Variants in TBX20 observed in about 807,000 individuals in gnomAD.
TBX20 encodes the protein T-box transcription factor 20.
In TBX20, 8 loss-of-function variants were observed where a neutral mutation model predicts 42.9. That is an observed-to-expected ratio of 0.19 (90% confidence interval 0.11 to 0.34). The LOEUF (loss-of-function observed/expected upper bound fraction) is 0.34, where lower values mean the gene tolerates loss of function less well. TBX20 is among the 10% of genes least tolerant of loss of function. The probability of loss-of-function intolerance (pLI) is 1.00; values close to 1 mark genes in which losing one functional copy is unlikely to be tolerated. For missense variants in TBX20, 411 were observed against 566.0 expected, an observed-to-expected ratio of 0.73 and a Z score of 2.78; for synonymous variants, 198 against 222.8, an observed-to-expected ratio of 0.89 and a Z score of 0.99.
At chr7:35,239,913 A>G (rs1219132353) in intron 5 of TBX20, among the ~76,000 whole-genome samples, 2 of 151,802 alleles carry the variant, frequency 1.3e-5, no homozygotes, top group Non-Finnish European at 2.9e-5. Flanking sequence ...CACCAGGCCC[A>G]GCTAATTTTT....
chr7:35,233,883 A>G (rs559055439), intron 5 of TBX20, among the ~76,000 whole-genome samples: 29 of 152,358 alleles, frequency 1.9e-4, no homozygotes, highest in Admixed American at 4.6e-4. Flanking sequence ...ATGTCGGATG[A>G]CATGCACAGC....
At chr7:35,242,775 A>AG (rs1790108363) in intron 4 of TBX20, among the ~76,000 whole-genome samples, 7 of 152,294 alleles carry the variant, frequency 4.6e-5, no homozygotes, top group African/African-American at 1.7e-4. Context: ...AAGGAACACT[A>AG]ATAGAAACGT....
chr7:35,206,585 A>G (rs1007659553), intron 6 of TBX20, among the ~76,000 whole-genome samples: 9 of 152,190 alleles, frequency 5.9e-5, no homozygotes, highest in African/African-American at 2.2e-4. Flanking sequence ...TAGTTTGATC[A>G]GTTTGGGCAT....
In TBX20 at chr7:35,231,425, C is replaced by T. The variant is rs113221975; in HGVS notation, c.890+79G>A. The T allele has an allele frequency of 6.9e-3, 6,444 of 928,074 alleles. 50 individuals are homozygous for T. The highest frequency in any genetic ancestry group is 0.011 in the Admixed American group (617 of 55,916). 57.5% of individuals were successfully genotyped at this position (928,074 alleles called of 1,614,324 possible). On this transcript the variant is annotated intron_variant, in intron 6 of 7. Coordinates refer to ENST00000408931, the MANE Select transcript of TBX20 (RefSeq NM_001077653.2). ...TAGTAAGGTTATGATTCTCTGGTGT[C>T]GAAAGGAGTGTGTTGTTACAAACTC...
intron 1 of TBX20, among the ~76,000 whole-genome samples, chr7:35,252,503 C>A (rs1790324393): frequency 6.6e-6 from 1 of 151,686 alleles, no homozygotes; most frequent in Non-Finnish European, 1.5e-5. Flanking sequence ...TTTTTGATCT[C>A]TAACACTTCC....
intron 3 of TBX20, among the ~76,000 whole-genome samples, chr7:35,247,334 A>G (rs1401849551): frequency 6.6e-6 from 1 of 152,004 alleles, no homozygotes; most frequent in Non-Finnish European, 1.5e-5. Context: ...ATTAATTTTA[A>G]TATCTATTAT....
At chr7:35,210,384 G>A (rs1789476666) in intron 6 of TBX20, among the ~76,000 whole-genome samples, 1 of 151,914 alleles carries the variant, frequency 6.6e-6, no homozygotes, top group African/African-American at 2.4e-5. Flanking sequence ...CAAAGTGCTG[G>A]GATTACAGGT....
At chr7:35,224,282 G>A (rs1789732802) in intron 6 of TBX20, among the ~76,000 whole-genome samples, 2 of 152,106 alleles carry the variant, frequency 1.3e-5, no homozygotes, top group Non-Finnish European at 1.5e-5. Flanking sequence ...GACAAGAGAA[G>A]GTACAAAACC....
intron 6 of TBX20, among the ~76,000 whole-genome samples, chr7:35,220,365 G>A (rs938773476): frequency 4.6e-5 from 7 of 152,194 alleles, no homozygotes; most frequent in African/African-American, 1.7e-4. Context: ...ACACTGAACA[G>A]TGTGGGCCAT....
At chr7:35,250,636 G>A (rs714957) in intron 1 of TBX20, among the ~76,000 whole-genome samples, 56,012 of 152,062 alleles carry the variant, frequency 0.37, 10,607 homozygotes, top group Admixed American at 0.46. Context: ...GAGACAAAGG[G>A]AGTGAAGAGA....
chr7:35,240,186 T>G (rs1584354952), intron 5 of TBX20, among the ~76,000 whole-genome samples: 1 of 152,244 alleles, frequency 6.6e-6, no homozygotes, highest in Non-Finnish European at 1.5e-5. Context: ...TGCATTATGC[T>G]TACAGGTTAA....
rs1269831078 is a variant in TBX20 at position 35,249,096 on chromosome 7, TG to T, written c.381-256del. On this transcript the variant is annotated intron_variant, in intron 2 of 7. Transcript: ENST00000408931. This position sits in a 1 kb window ranked among gnomAD's most constrained non-coding sequence, Gnocchi z 4.3. ...TAATTGCTAGGTGAAAAGGTGGGGGTGGGGGTGGGGGTATGTGTTAACTCCA... is the reference window on the plus strand; with the variant it reads ...TAATTGCTAGGTGAAAAGGTGGGGGTGGGGTGGGGGTATGTGTTAACTCCA... Among the ~76,000 whole-genome samples, 5 of 13,892 alleles carry T rather than the reference TG, an allele frequency of 3.6e-4. No individual in the cohort carries two copies. Among genetic ancestry groups the T allele is most frequent in the African/African-American group, 1.2e-3 (4 of 3,388 alleles). 9.1% of individuals were successfully genotyped at this position (13,892 alleles called of 152,430 possible). A position where few individuals can be genotyped will look rare whatever the true frequency, so the allele number is the denominator to read the frequency against.
rs570132303 is a variant in TBX20, at chr7:35,230,043, G to A, written c.890+1461C>T. ...CCCCATGGTCTGAGACAGAAAATACGACACACACTATAAAAACGGATCACT... is the reference window on the plus strand; with the variant it reads ...CCCCATGGTCTGAGACAGAAAATACAACACACACTATAAAAACGGATCACT... On this transcript the variant is annotated intron_variant, in intron 6 of 7. Transcript: ENST00000408931. 3.3e-5 allele frequency among the ~76,000 whole-genome samples: 5 copies of A among 151,940 alleles called. No homozygotes were observed. In the East Asian group the frequency reaches 5.8e-4, roughly 18 times the overall value.
intron 6 of TBX20, among the ~76,000 whole-genome samples, chr7:35,227,410 C>G (rs75847653): frequency 0.077 from 11,753 of 152,168 alleles, 714 homozygotes; most frequent in Admixed American, 0.2. Flanking sequence ...AAGCTCCATT[C>G]ACGGTGAGTG....
At chr7:35,228,394 G>A (rs1359056903) in intron 6 of TBX20, among the ~76,000 whole-genome samples, 1 of 152,042 alleles carries the variant, frequency 6.6e-6, no homozygotes, top group Non-Finnish European at 1.5e-5. Flanking sequence ...GTTCATACGT[G>A]CATAAGAAAG....
chr7:35,234,426 C>T (rs1458073837), intron 5 of TBX20, among the ~76,000 whole-genome samples: 2 of 152,110 alleles, frequency 1.3e-5, no homozygotes, highest in African/African-American at 2.4e-5. Context: ...GCTCAATTGA[C>T]GTGTCACCAT....
chr7:35,220,557 TTTCCACA>T (rs1162253720), intron 6 of TBX20, among the ~76,000 whole-genome samples: 24 of 152,218 alleles, frequency 1.6e-4, no homozygotes, highest in African/African-American at 3.9e-4. Flanking sequence ...TTAAACAGAA[TTTCCACA>T]TTGGTAAAAT....
At chr7:35,232,949 G>C (rs561413875) in intron 5 of TBX20, among the ~76,000 whole-genome samples, 1 of 152,276 alleles carries the variant, frequency 6.6e-6, no homozygotes, top group East Asian at 1.9e-4. Flanking sequence ...GAACCCGGGA[G>C]GCAGAGGTTG....
intron 5 of TBX20, among the ~76,000 whole-genome samples, chr7:35,238,992 G>T (rs958698372): frequency 6.6e-6 from 1 of 151,974 alleles, no homozygotes; most frequent in Admixed American, 6.6e-5. Flanking sequence ...AGCTTCCAAA[G>T]GCTTAAACAA....
Sources: gnomAD v4.1 joint callset for allele counts (sites outside exome capture counted in the v4.1 genomes callset) on GRCh38, gnomAD v4.1.1 for gene constraint, Gnocchi (gnomAD v3.1) non-coding constraint, MANE v1.5 for transcripts, NCBI Gene and HGNC (gene_info 2026-07-23, HGNC 2026-07-21) for gene names.